INTS7: variants seen among roughly 807,000 people sequenced by gnomAD.
The protein encoded by INTS7 is chromosome 1 open reading frame 73.
A neutral mutation model predicts 109.2 loss-of-function variants in INTS7; 46 were observed. The observed-to-expected ratio is 0.42, with a 90% CI of 0.33 to 0.54. The LOEUF (loss-of-function observed/expected upper bound fraction) is 0.54, where lower values mean the gene tolerates loss of function less well. Among genes scored for constraint, INTS7 ranks in the 20% least tolerant of loss-of-function variants. The pLI, the probability that INTS7 is intolerant of heterozygous loss-of-function variation, is 0.07. For missense variants in INTS7, 929 were observed against 1,132.4 expected (o/e 0.82, Z 2.58); for synonymous variants, 412 against 402.9 (o/e 1.02, Z -0.27).
intron 2 of INTS7, chr1:212,020,829 G>T: frequency 2.9e-6 from 2 of 688,498 alleles, no homozygotes; most frequent in East Asian, 5.3e-5. Flanking sequence ...TTTTCCTGAA[G>T]TACACAGTAA....
At chr1:212,015,972 T>C (rs1002208794) in intron 4 of INTS7, among the ~76,000 whole-genome samples, 3 of 152,196 alleles carry the variant, frequency 2.0e-5, no homozygotes, top group East Asian at 3.9e-4. Flanking sequence ...ATATAAGCTA[T>C]TGGGGTTTTT....
chr1:212,007,719 T>C (rs1210358939), intron 5 of INTS7, among the ~76,000 whole-genome samples: 4 of 152,212 alleles, frequency 2.6e-5, no homozygotes, highest in Non-Finnish European at 5.9e-5. Context: ...CAAAGTCATA[T>C]TTGCTGCCTA....
chr1:211,945,097 C>G, intron 18 of INTS7, 128 bp from the exon 19 acceptor site: 1 of 758,650 alleles, frequency 1.3e-6, no homozygotes, highest in South Asian at 1.8e-5. Flanking sequence ...CCCACAGGAC[C>G]TGACTGTGCC....
chr1:211,978,228 C>T (rs370914890), intron 11 of INTS7, 44 bp downstream of exon 11: 1 of 1,608,056 alleles, frequency 6.2e-7, no homozygotes, highest in Non-Finnish European at 8.5e-7. Context: ...TCCCACTAGA[C>T]CAGATCCTAG....
At chr1:211,990,395 A>G (rs568407888) in intron 7 of INTS7, among the ~76,000 whole-genome samples, 1 of 152,356 alleles carries the variant, frequency 6.6e-6, no homozygotes, top group South Asian at 2.1e-4. Flanking sequence ...TGTAAAGAAA[A>G]AAAGATGGGG....
chr1:211,961,381 T>C (rs1663624055), intron 16 of INTS7, among the ~76,000 whole-genome samples: 1 of 151,074 alleles, frequency 6.6e-6, no homozygotes, highest in Non-Finnish European at 1.5e-5. Flanking sequence ...CAGACCCCTT[T>C]GAGCAGAAAC....
chr1:211,969,262 G>A (rs1382472433), intron 13 of INTS7, among the ~76,000 whole-genome samples: 1 of 151,166 alleles, frequency 6.6e-6, no homozygotes, highest in Non-Finnish European at 1.5e-5. Flanking sequence ...TCCAGCCTGG[G>A]CGATAGAACG....
intron 8 of INTS7, among the ~76,000 whole-genome samples, chr1:211,986,768 T>C (rs963112936): frequency 6.6e-6 from 1 of 152,186 alleles, no homozygotes; most frequent in East Asian, 1.9e-4. Context: ...TGGAAATGAT[T>C]AGTTGAGTCC....
intron 8 of INTS7, among the ~76,000 whole-genome samples, chr1:211,984,888 A>G: frequency 6.6e-6 from 1 of 152,050 alleles, no homozygotes; most frequent in Non-Finnish European, 1.5e-5. Flanking sequence ...AACTGCATTG[A>G]TTTTTATTGC....
At chr1:211,944,074 T>C (rs115430954) in intron 19 of INTS7, among the ~76,000 whole-genome samples, 1,668 of 152,304 alleles carry the variant, frequency 0.011, 29 homozygotes, top group African/African-American at 0.037. Flanking sequence ...TCCCTAGGGT[T>C]ACACTCTTAA....
At chr1:212,021,239 G>A (rs770185264) in intron 1 of INTS7, 27 bp from the exon 2 acceptor site, 10 of 1,574,258 alleles carry the variant, frequency 6.4e-6, no homozygotes, top group South Asian at 4.8e-5. Flanking sequence ...GCACAGAGAG[G>A]GAAGAACAGT....
intron 13 of INTS7, among the ~76,000 whole-genome samples, chr1:211,971,365 A>G (rs1182139137): frequency 1.3e-5 from 2 of 152,362 alleles, no homozygotes; most frequent in East Asian, 1.9e-4. Context: ...TGTTGGTAAC[A>G]GCAAGAAACT....
At chr1:211,970,911 A>T (rs1006850359) in intron 13 of INTS7, among the ~76,000 whole-genome samples, 1 of 152,190 alleles carries the variant, frequency 6.6e-6, no homozygotes, top group Non-Finnish European at 1.5e-5. Flanking sequence ...ATCTTACAGC[A>T]ATATCTCTAA....
At position 211,946,509 on chromosome 1, in the gene INTS7, C is replaced by T. The variant is rs1472822973; in HGVS notation, c.2415+98G>A. ...AAACAAAACAAAAAAACCAATAAAC[C>T]AAAGGTAACACACTGAAGTGTAGCT... is the stretch of plus-strand genomic sequence containing the variant. On this transcript the variant is annotated intron_variant, in intron 18 of 19. Transcript: ENST00000366994. The surrounding 1 kb of genome is among the most constrained non-coding windows in gnomAD (Gnocchi z 4.3). 5 of 698,716 alleles carry T rather than the reference C, an allele frequency of 7.2e-6. No homozygotes were observed. The East Asian group carries it at 1.4e-4, about 19-fold the overall frequency. The allele number at this position is 698,716 out of a possible 1,614,324, so 43.3% of individuals were successfully genotyped here.
At chr1:212,022,778 C>T (rs1666765324) in intron 1 of INTS7, among the ~76,000 whole-genome samples, 1 of 152,130 alleles carries the variant, frequency 6.6e-6, no homozygotes. Context: ...TCAGGGGGTA[C>T]ATGTGCAAGT....
chr1:212,026,130 C>CA (rs1399297666), intron 1 of INTS7, among the ~76,000 whole-genome samples: 1 of 152,058 alleles, frequency 6.6e-6, no homozygotes, highest in East Asian at 1.9e-4. Context: ...GCCTGGGTGA[C>CA]AGAGACCCTG....
At chr1:211,956,320 CTTTAG>C (rs1429084421) in intron 16 of INTS7, among the ~76,000 whole-genome samples, 1 of 152,134 alleles carries the variant, frequency 6.6e-6, no homozygotes, top group Admixed American at 6.5e-5. Flanking sequence ...AGTCTTGACA[CTTTAG>C]TTTTTCTTAT....
intron 1 of INTS7, among the ~76,000 whole-genome samples, chr1:212,024,126 G>C (rs930754041): frequency 3.3e-5 from 5 of 152,182 alleles, no homozygotes; most frequent in African/African-American, 1.2e-4. Context: ...AAAATAGTTT[G>C]AAATTGGGTA....
At chr1:212,008,098 T>C (rs1031201760) in intron 5 of INTS7, among the ~76,000 whole-genome samples, 18 of 152,228 alleles carry the variant, frequency 1.2e-4, no homozygotes, top group African/African-American at 4.3e-4. Flanking sequence ...AAGCTAATTA[T>C]ACTCTGCGTA....
Sources: allele counts gnomAD v4.1 joint callset (sites outside exome capture counted in the v4.1 genomes callset), GRCh38; gene constraint gnomAD v4.1.1; non-coding constraint Gnocchi (gnomAD v3.1); transcripts MANE v1.5; gene names NCBI Gene and HGNC (gene_info 2026-07-23, HGNC 2026-07-21).